The following DNAH6 variants were observed in gnomAD, a reference collection of about 807,000 sequenced individuals.
DNAH6 encodes axonemal beta dynein heavy chain 6.
A neutral mutation model predicts 491.4 loss-of-function variants in DNAH6; 340 were observed. The ratio of observed to expected loss-of-function variants is 0.69; its 90% CI spans 0.63 to 0.76. The LOEUF (loss-of-function observed/expected upper bound fraction) is 0.76. Ranked by LOEUF, DNAH6 falls within the 30% of genes least tolerant of loss-of-function variation. The pLI is 0.00. For missense variants in DNAH6, 4,443 were observed against 4,972.2 expected (o/e 0.89, Z 3.20); for synonymous variants, 1,603 against 1,686.1 (o/e 0.95, Z 1.21).
chr2:84,598,366 G>A (rs1684886188), intron 18 of DNAH6, among the ~76,000 whole-genome samples: 1 of 151,928 alleles, frequency 6.6e-6, no homozygotes, highest in African/African-American at 2.4e-5. Flanking sequence ...CTGTTATATA[G>A]ATGTACCATA....
At chr2:84,521,136 AT>A (rs1034803466) in intron 2 of DNAH6, among the ~76,000 whole-genome samples, 1 of 150,390 alleles carries the variant, frequency 6.6e-6, no homozygotes, top group Admixed American at 6.6e-5. Context: ...TTACTTTTCT[AT>A]TTTTTTTAAT....
Position 84,713,242 on chromosome 2 carries a change from C to G in DNAH6, c.9526C>G (p.Pro3176Ala), listed in dbSNP as rs1273270734. The G allele has an allele frequency of 3.2e-6, 5 of 1,551,996 alleles. No homozygotes were observed. The highest frequency in any genetic ancestry group is 4.4e-6 in the Non-Finnish European group (5 of 1,147,042). ...RFYMTTKMPNPHYLPEVCIKV... is the reference protein window; with the variant it reads ...RFYMTTKMPNAHYLPEVCIKV... ...CTATATGACAACCAAAATGCCAAAT[C>G]CCCACTATCTGCCTGAGGTATGAAC... The change falls in exon 57 of 77, where the codon CCC becomes GCC. Residue 3176 changes from proline to alanine, a missense_variant. Physicochemically the swap from Pro to Ala is conservative, Grantham distance 27. This residue lies in a region of DNAH6 where 1,463 missense variants were observed against 1,656.6 expected (regional missense o/e 0.88). Coordinates refer to ENST00000389394, the MANE Select transcript of DNAH6 (RefSeq NM_001370.2).
At chr2:84,468,439 ATC>A in the DNAH6 span, among the ~76,000 whole-genome samples, 1 of 152,216 alleles carries the variant, frequency 6.6e-6, no homozygotes, top group Admixed American at 6.5e-5. Context: ...GAGCTTGAAT[ATC>A]TGTTTTTAAC....
At chr2:84,711,778 C>T (rs1697069897) in intron 56 of DNAH6, among the ~76,000 whole-genome samples, 1 of 152,242 alleles carries the variant, frequency 6.6e-6, no homozygotes, top group African/African-American at 2.4e-5. Flanking sequence ...CAAGCTTGGC[C>T]TTGACCAACA....
intron 11 of DNAH6, 61 bp from the exon 12 acceptor site, chr2:84,573,406 T>A: frequency 7.2e-7 from 1 of 1,396,544 alleles, no homozygotes; most frequent in Non-Finnish European, 9.8e-7. Context: ...TTAGTTGTAT[T>A]GAATTAAATT....
intron 73 of DNAH6, among the ~76,000 whole-genome samples, chr2:84,812,750 T>C (rs2105339781): frequency 6.6e-6 from 1 of 152,304 alleles, no homozygotes; most frequent in Admixed American, 6.5e-5. Context: ...CAGGCATCCT[T>C]GGGGTTTCAG....
Position 84,707,678 on chromosome 2 carries a change from G to A in DNAH6, c.9010G>A (p.Ala3004Thr). The A allele has an allele frequency of 6.4e-7, 1 of 1,552,328 alleles. No individual in the cohort carries two copies. Among genetic ancestry groups the A allele is most frequent in the Non-Finnish European group, 8.7e-7 (1 of 1,147,120 alleles). Reference protein sequence around the residue: ...GNVFIAAACVAYYGAFTAQYR... With the variant: ...GNVFIAAACVTYYGAFTAQYR... ...CGTGTTCATAGCAGCAGCTTGTGTG[G>A]CCTACTATGGGGCTTTCACAGCCCA... is the stretch of plus-strand genomic sequence containing the variant. The change falls in exon 54 of 77, where the codon GCC becomes ACC. Residue 3004 changes from alanine (A) to threonine (T), a missense_variant. Ala to Thr is a moderately conservative substitution (Grantham distance 58). Coordinates refer to ENST00000389394, the MANE Select transcript of DNAH6 (RefSeq NM_001370.2).
Position 84,639,494 on chromosome 2 carries a change from C to T in DNAH6, c.4822-936C>T, listed in dbSNP as rs138159952. ...AGTGCAATGGCACGATCTCGGCTCA[C>T]TGCAACCTCCATCTCCCAGGTTTAA... On this transcript the variant is annotated intron_variant, in intron 31 of 76. Transcript: ENST00000389394. Among the ~76,000 whole-genome samples, 315 of 150,314 alleles carry T rather than the reference C, an allele frequency of 2.1e-3. 1 individual carries two copies. The highest frequency in any genetic ancestry group is 7.3e-3 in the African/African-American group (298 of 40,750).
chr2:84,564,565 T>A (rs992520600), intron 11 of DNAH6, among the ~76,000 whole-genome samples: 4 of 152,182 alleles, frequency 2.6e-5, no homozygotes, highest in Non-Finnish European at 5.9e-5. Flanking sequence ...CTCAAGTCAT[T>A]TATCAGTTCT....
At chr2:84,724,863 T>G (rs1242995159) in intron 60 of DNAH6, among the ~76,000 whole-genome samples, 6 of 152,192 alleles carry the variant, frequency 3.9e-5, no homozygotes, top group Non-Finnish European at 2.9e-5. Flanking sequence ...CACCATCAAT[T>G]CGGCTACAGT....
At chr2:84,703,681 AT>A in intron 50 of DNAH6, 119 bp downstream of exon 50, 2 of 952,248 alleles carry the variant, frequency 2.1e-6, no homozygotes, top group Non-Finnish European at 2.9e-6. Flanking sequence ...TAAGTGATAG[AT>A]TTAGCAAAGT....
At chr2:84,479,846 G>T in the DNAH6 span, among the ~76,000 whole-genome samples, 1 of 152,230 alleles carries the variant, frequency 6.6e-6, no homozygotes, top group Non-Finnish European at 1.5e-5. Context: ...CAAACCCAAA[G>T]CTACCAGGTT....
intron 51 of DNAH6, 145 bp from the exon 52 acceptor site, chr2:84,705,341 T>C (rs556738414): frequency 2.4e-6 from 2 of 823,494 alleles, no homozygotes; most frequent in African/African-American, 3.4e-5. Flanking sequence ...GTGGTGCACC[T>C]AACTACCAAT....
chr2:84,793,701 G>C (rs1427611855), intron 68 of DNAH6, among the ~76,000 whole-genome samples: 1 of 152,098 alleles, frequency 6.6e-6, no homozygotes, highest in African/African-American at 2.4e-5. Flanking sequence ...TCTTGGAATT[G>C]CCGATACAGG....
the DNAH6 span, among the ~76,000 whole-genome samples, chr2:84,498,901 G>A: frequency 6.6e-6 from 1 of 151,944 alleles, no homozygotes; most frequent in Non-Finnish European, 1.5e-5. Flanking sequence ...TCCATTTGCT[G>A]TTTTTAAATT....
chr2:84,688,596 A>G lies in DNAH6; in HGVS notation c.7292+3A>G, dbSNP rs1440610266. 6.5e-7 allele frequency: 1 copy of G among 1,531,892 alleles called. No homozygotes were observed. Among genetic ancestry groups the G allele is most frequent in the Non-Finnish European group, 8.8e-7 (1 of 1,142,228 alleles). 94.9% of individuals were successfully genotyped at this position (1,531,892 alleles called of 1,614,324 possible). ...GATGCTATAGAACATGTTTCAAGGT[A>G]TAGTGCTATAAGGCGCCCAATAATG... On this transcript the variant is annotated splice_donor_region_variant and intron_variant, in intron 45 of 76. Transcript: ENST00000389394.
At chr2:84,728,845 G>C (rs1698886893) in intron 61 of DNAH6, among the ~76,000 whole-genome samples, 1 of 151,940 alleles carries the variant, frequency 6.6e-6, no homozygotes, top group South Asian at 2.1e-4. Context: ...GCCCACAGAG[G>C]TGAGCCCCCA....
intron 1 of DNAH6, 132 bp downstream of exon 1, chr2:84,516,715 C>T (rs993781711): frequency 2.0e-5 from 3 of 152,202 alleles, no homozygotes; most frequent in African/African-American, 7.2e-5. Context: ...TGATTGTCTG[C>T]TATCCGCCCA....
the DNAH6 span, among the ~76,000 whole-genome samples, chr2:84,502,049 A>G: frequency 6.6e-6 from 1 of 151,594 alleles, no homozygotes; most frequent in Admixed American, 6.6e-5. Flanking sequence ...GATCTATATT[A>G]TTTTTCTTCT....
Sources: gnomAD v4.1 joint callset for allele counts (sites outside exome capture counted in the v4.1 genomes callset) on GRCh38, gnomAD v4.1.1 for gene constraint, gnomAD v4.1.1 regional missense constraint, MANE v1.5 for transcripts, NCBI Gene and HGNC (gene_info 2026-07-23, HGNC 2026-07-21) for gene names.